PEX3: variants seen among roughly 807,000 people sequenced by gnomAD.
PEX3 encodes the protein peroxin-3.
PEX3 carries 30 observed loss-of-function variants against 55.8 expected under a neutral mutation model. The ratio of observed to expected loss-of-function variants is 0.54; its 90% CI spans 0.40 to 0.73. PEX3 has a LOEUF of 0.73. PEX3 is among the 30% of genes least tolerant of loss of function. The probability of loss-of-function intolerance (pLI) is 0.00; values close to 1 mark genes in which losing one functional copy is unlikely to be tolerated. For missense variants in PEX3, 351 were observed against 432.8 expected (o/e 0.81, Z 1.68); for synonymous variants, 135 against 148.4 (o/e 0.91, Z 0.66).
At position 143,462,833 on chromosome 6, in the gene PEX3, T is replaced by C; in HGVS notation, c.206-83T>C. ...CTCTTGCTAGTTGCTAGCCCTATCATATAGCCTAAAACAATGCGCATTTCT... is the reference window on the plus strand; with the variant it reads ...CTCTTGCTAGTTGCTAGCCCTATCACATAGCCTAAAACAATGCGCATTTCT... On this transcript the variant is annotated intron_variant, in intron 2 of 11. Coordinates refer to ENST00000367591, the MANE Select transcript of PEX3 (RefSeq NM_003630.3). This position sits in a 1 kb window ranked among gnomAD's most constrained non-coding sequence, Gnocchi z 4.1. 5 of 1,003,142 alleles carry C rather than the reference T, an allele frequency of 5.0e-6. No individual in the cohort carries two copies. The South Asian group carries it at 5.1e-5, about 10-fold the overall frequency. 62.1% of individuals were successfully genotyped at this position (1,003,142 alleles called of 1,614,324 possible).
At position 143,488,086 on chromosome 6, in the gene PEX3, C is replaced by A. The variant is rs926792504; in HGVS notation, c.1039-1057C>A. 4.6e-5 allele frequency among the ~76,000 whole-genome samples: 7 copies of A among 152,042 alleles called. No homozygotes were observed. The highest frequency in any genetic ancestry group is 1.7e-4 in the African/African-American group (7 of 41,430). On this transcript the variant is annotated intron_variant, in intron 11 of 11. Transcript: ENST00000367591. This position sits in a 1 kb window ranked among gnomAD's most constrained non-coding sequence, Gnocchi z 4.9. The stretch of plus-strand genomic sequence containing the variant: ...ATCTAAACCTATGTTTCATTGAACA[C>A]CTAGACTGAATACTTGAAACTAAAT...
rs991062671 is a variant in PEX3 at position 143,464,617 on chromosome 6, C to T, written c.287+1620C>T. Among the ~76,000 whole-genome samples the T allele has an allele frequency of 6.6e-6, 1 of 151,748 alleles. No individual in the cohort carries two copies. Among genetic ancestry groups the T allele is most frequent in the African/African-American group, 2.4e-5 (1 of 41,368 alleles). On this transcript the variant is annotated intron_variant, in intron 3 of 11. Coordinates refer to ENST00000367591, the MANE Select transcript of PEX3 (RefSeq NM_003630.3). This position sits in a 1 kb window ranked among gnomAD's most constrained non-coding sequence, Gnocchi z 5.8. ...TAAATTCTGGAGAATTTAAGGTGGG[C>T]CACAGTTCTCCTCATTCAGTTTCCT... is the stretch of plus-strand genomic sequence containing the variant.
In PEX3 at chr6:143,463,103, G is replaced by C; in HGVS notation, c.287+106G>C. 1.3e-6 allele frequency: 1 copy of C among 788,586 alleles called. No individual in the cohort carries two copies. The highest frequency in any genetic ancestry group is 2.2e-6 in the Non-Finnish European group (1 of 455,262). 48.8% of individuals were successfully genotyped at this position (788,586 alleles called of 1,614,324 possible). A position where few individuals can be genotyped will look rare whatever the true frequency, so the allele number is the denominator to read the frequency against. On this transcript the variant is annotated intron_variant, in intron 3 of 11. Transcript: ENST00000367591. This position sits in a 1 kb window ranked among gnomAD's most constrained non-coding sequence, Gnocchi z 5.7. ...TTTGTTATTTTTCTATCTAATGAAA[G>C]TTTATATAGGCTCAGTAAGAAAAAT... is the stretch of plus-strand genomic sequence containing the variant.
Position 143,479,748 on chromosome 6 carries a change from T to C in PEX3, c.941+550T>C, listed in dbSNP as rs1463106204. ...TTTAATCATAACTATTACTAAATCA[T>C]GGACTTATGTATGCCATAAGGTATC... On this transcript the variant is annotated intron_variant, in intron 10 of 11. Transcript: ENST00000367591. The surrounding 1 kb of genome is among the most constrained non-coding windows in gnomAD (Gnocchi z 4.6). Among the ~76,000 whole-genome samples, 1 of 152,098 alleles carries C rather than the reference T, an allele frequency of 6.6e-6. No individual in the cohort carries two copies. The highest frequency in any genetic ancestry group is 1.5e-5 in the Non-Finnish European group (1 of 67,952).
rs1229383803 is a variant in PEX3 at position 143,468,171 on chromosome 6, C to G, written c.331+6C>G. On this transcript the variant is annotated splice_donor_region_variant and intron_variant, in intron 4 of 11. Transcript: ENST00000367591. ...GGAGGATCTGAAGATAATAAGTAAG[C>G]CTGCATATTCTGTGTGACAGCACAT... 1.3e-6 allele frequency: 2 copies of G among 1,577,032 alleles called. No homozygotes were observed. The highest frequency in any genetic ancestry group is 1.7e-6 in the Non-Finnish European group (2 of 1,147,628).
At chr6:143,468,431 C>A (rs1780019569) in intron 4 of PEX3, among the ~76,000 whole-genome samples, 1 of 152,070 alleles carries the variant, frequency 6.6e-6, no homozygotes, top group South Asian at 2.1e-4. Flanking sequence ...ACTGATATCT[C>A]TAATGTGCTT....
At chr6:143,461,588 A>G (rs1779920923) in intron 2 of PEX3, among the ~76,000 whole-genome samples, 1 of 152,124 alleles carries the variant, frequency 6.6e-6, no homozygotes. Context: ...CTAGAAAAAA[A>G]AAAAAAGAGT....
chr6:143,458,292 T>C lies in PEX3; in HGVS notation c.74-793T>C, dbSNP rs749026368. ...ATCACAGGCCACATGACACCACCTA[T>C]ATTCTTATCCTGTGGTGTTAGAATT... On this transcript the variant is annotated intron_variant, in intron 1 of 11. Transcript: ENST00000367591. The surrounding 1 kb of genome is among the most constrained non-coding windows in gnomAD (Gnocchi z 6.1). Among the ~76,000 whole-genome samples the C allele has an allele frequency of 7.9e-5, 12 of 152,290 alleles. No individual in the cohort carries two copies. The highest frequency in any genetic ancestry group is 1.6e-4 in the Non-Finnish European group (11 of 68,002).
rs1295165724 is a variant in PEX3 at position 143,486,778 on chromosome 6, A to G, written c.1038+1530A>G. Among the ~76,000 whole-genome samples, 1 of 152,170 alleles carries G rather than the reference A, an allele frequency of 6.6e-6. No homozygotes were observed. ...ACTACAATGGTGTGTAGGAGAGCCT[A>G]TGGTGGGAATGCTGTAGAACAGGGG... On this transcript the variant is annotated intron_variant, in intron 11 of 11. Coordinates refer to ENST00000367591, the MANE Select transcript of PEX3 (RefSeq NM_003630.3). This position sits in a 1 kb window ranked among gnomAD's most constrained non-coding sequence, Gnocchi z 5.0.
In PEX3 at chr6:143,490,561, A is replaced by G. The variant is rs9403495; in HGVS notation, c.*1335A>G. 184 of 560,850 alleles carry G rather than the reference A, an allele frequency of 3.3e-4. 1 individual carries two copies. In the East Asian group the frequency reaches 0.01, roughly 31 times the overall value. 34.7% of individuals were successfully genotyped at this position (560,850 alleles called of 1,614,324 possible). On this transcript the variant is annotated 3_prime_UTR_variant, in exon 12 of 12. Coordinates refer to ENST00000367591, the MANE Select transcript of PEX3 (RefSeq NM_003630.3). The surrounding 1 kb of genome is among the most constrained non-coding windows in gnomAD (Gnocchi z 6.0). ...GCTAATCTTGGCAAATCTGCCAAGCATGTCTTCACCAAGGGATATGGATTT... is the reference window on the plus strand; with the variant it reads ...GCTAATCTTGGCAAATCTGCCAAGCGTGTCTTCACCAAGGGATATGGATTT...
chr6:143,485,355 A>C lies in PEX3; in HGVS notation c.1038+107A>C. 7 of 754,532 alleles carry C rather than the reference A, an allele frequency of 9.3e-6. 1 individual carries two copies. The highest frequency in any genetic ancestry group is 1.7e-5 in the Non-Finnish European group (7 of 414,104). The allele number at this position is 754,532 out of a possible 1,614,324, so 46.7% of individuals were successfully genotyped here. A position where few individuals can be genotyped will look rare whatever the true frequency, so the allele number is the denominator to read the frequency against. ...TCTCTGCTGAGAGGTTTTTTCAAAA[A>C]ATCACAGAACTTGGAACTACATGTA... On this transcript the variant is annotated intron_variant, in intron 11 of 11. Coordinates refer to ENST00000367591, the MANE Select transcript of PEX3 (RefSeq NM_003630.3). The surrounding 1 kb of genome is among the most constrained non-coding windows in gnomAD (Gnocchi z 5.6).
At position 143,468,136 on chromosome 6, in the gene PEX3, T is replaced by C. The variant is rs756343137; in HGVS notation, c.302T>C (p.Leu101Pro). The C allele has an allele frequency of 6.3e-7, 1 of 1,578,772 alleles. No homozygotes were observed. The change falls in exon 4 of 12, where the codon CTA becomes CCA. Residue 101 changes from leucine (L) to proline (P), a missense_variant. Coordinates refer to ENST00000367591, the MANE Select transcript of PEX3 (RefSeq NM_003630.3). Reference sequence around the variant, plus strand: ...TTGTTCTTTAGGCCTTCAAACAAGCTAGAAATATGGGAGGATCTGAAGATA... The same window carrying C: ...TTGTTCTTTAGGCCTTCAAACAAGCCAGAAATATGGGAGGATCTGAAGATA... The part of the protein sequence containing the change: ...ALLKNRPSNK[L>P]EIWEDLKIIS...
In PEX3 at chr6:143,464,433, G is replaced by A. The variant is rs1018115345; in HGVS notation, c.287+1436G>A. Among the ~76,000 whole-genome samples, 4 of 151,832 alleles carry A rather than the reference G, an allele frequency of 2.6e-5. No homozygotes were observed. Among genetic ancestry groups the A allele is most frequent in the Non-Finnish European group, 4.4e-5 (3 of 67,866 alleles). On this transcript the variant is annotated intron_variant, in intron 3 of 11. Coordinates refer to ENST00000367591, the MANE Select transcript of PEX3 (RefSeq NM_003630.3). This position sits in a 1 kb window ranked among gnomAD's most constrained non-coding sequence, Gnocchi z 5.8. Reference sequence around the variant, plus strand: ...GAGGAAGTAGACTAAATAAATTATCGTAATTCCGGACATATTTAGTGCAAT... The same window carrying A: ...GAGGAAGTAGACTAAATAAATTATCATAATTCCGGACATATTTAGTGCAAT...
In PEX3 at chr6:143,486,032, G is replaced by A. The variant is rs1780318555; in HGVS notation, c.1038+784G>A. On this transcript the variant is annotated intron_variant, in intron 11 of 11. Coordinates refer to ENST00000367591, the MANE Select transcript of PEX3 (RefSeq NM_003630.3). This position sits in a 1 kb window ranked among gnomAD's most constrained non-coding sequence, Gnocchi z 5.0. ...GACAATTTAGTGTATCCTCTCTGTA[G>A]ACTTTTTACTCTTGGGAACGTGGAG... Among the ~76,000 whole-genome samples, 2 of 152,088 alleles carry A rather than the reference G, an allele frequency of 1.3e-5. No homozygotes were observed.
Position 143,479,251 on chromosome 6 carries a change from C to T in PEX3, c.941+53C>T. 7.3e-7 allele frequency: 1 copy of T among 1,379,258 alleles called. No homozygotes were observed. The highest frequency in any genetic ancestry group is 1.7e-5 in the Admixed American group (1 of 59,280). 85.4% of individuals were successfully genotyped at this position (1,379,258 alleles called of 1,614,324 possible). A position where few individuals can be genotyped will look rare whatever the true frequency, so the allele number is the denominator to read the frequency against. ...TAATGAATGCTCTAAAAAAATGGTG[C>T]TTTGCTTGTCTTTTTGTTCCAGATA... On this transcript the variant is annotated intron_variant, in intron 10 of 11. Coordinates refer to ENST00000367591, the MANE Select transcript of PEX3 (RefSeq NM_003630.3). The surrounding 1 kb of genome is among the most constrained non-coding windows in gnomAD (Gnocchi z 4.6).
rs1212049094 is a variant in PEX3, at chr6:143,475,841, A to G, written c.818+985A>G. On this transcript the variant is annotated intron_variant, in intron 9 of 11. Coordinates refer to ENST00000367591, the MANE Select transcript of PEX3 (RefSeq NM_003630.3). This position sits in a 1 kb window ranked among gnomAD's most constrained non-coding sequence, Gnocchi z 4.4. ...GTCTGGATTGAAATTTCTACACTTCATAGATAGAAATAATTTGTTCATTCA... is the reference window on the plus strand; with the variant it reads ...GTCTGGATTGAAATTTCTACACTTCGTAGATAGAAATAATTTGTTCATTCA... Among the ~76,000 whole-genome samples the G allele has an allele frequency of 6.6e-6, 1 of 152,200 alleles. No homozygotes were observed. The highest frequency in any genetic ancestry group is 1.9e-4 in the East Asian group (1 of 5,196).
intron 9 of PEX3, among the ~76,000 whole-genome samples, chr6:143,477,351 C>G (rs1055535935): frequency 6.6e-6 from 1 of 152,186 alleles, no homozygotes; most frequent in African/African-American, 2.4e-5. Flanking sequence ...AATGTATCTT[C>G]AGCTCTTAGA....
At chr6:143,472,079 A>C (rs968660096) in intron 7 of PEX3, 81 bp from the exon 8 acceptor site, 1 of 931,312 alleles carries the variant, frequency 1.1e-6, no homozygotes, top group East Asian at 2.4e-5. Flanking sequence ...GATTTTAGAT[A>C]GTAGCCTGTT....
intron 10 of PEX3, among the ~76,000 whole-genome samples, chr6:143,484,090 T>A (rs1013547002): frequency 1.3e-5 from 2 of 152,100 alleles, no homozygotes; most frequent in Non-Finnish European, 2.9e-5. Flanking sequence ...TAAAAGGAAA[T>A]TTTTAGTGTA....
Sources: allele counts gnomAD v4.1 joint callset (sites outside exome capture counted in the v4.1 genomes callset), GRCh38; gene constraint gnomAD v4.1.1; non-coding constraint Gnocchi (gnomAD v3.1); transcripts MANE v1.5; gene names NCBI Gene and HGNC (gene_info 2026-07-23, HGNC 2026-07-21).